Variants in FAM163A observed in about 807,000 individuals in gnomAD.
FAM163A encodes the protein family with sequence similarity 163 member A.
FAM163A carries 7 observed loss-of-function variants against 12.0 expected under a neutral mutation model. That is an observed-to-expected ratio of 0.58 (90% CI 0.33 to 1.10). The LOEUF (loss-of-function observed/expected upper bound fraction) is 1.10, where lower values mean the gene tolerates loss of function less well. Ranked by LOEUF, FAM163A falls within the 50% of genes least tolerant of loss-of-function variation. The pLI, the probability that FAM163A is intolerant of heterozygous loss-of-function variation, is 0.03. For missense variants in FAM163A, 202 were observed against 218.6 expected, an observed-to-expected ratio of 0.92 and a Z score of 0.48; for synonymous variants, 101 against 91.0, an observed-to-expected ratio of 1.11 and a Z score of -0.62.
the FAM163A span, among the ~76,000 whole-genome samples, chr1:179,737,360 G>A: frequency 0.013 from 1,992 of 152,296 alleles, 15 homozygotes; most frequent in Middle Eastern, 0.048. Flanking sequence ...GAGAAAGGAG[G>A]AAATGAAGAG....
rs1695108217 is a variant in FAM163A, at chr1:179,814,296, T to C, written c.*107T>C. ...CCCCACATGGGTTGTTTCTGTTTCTTTGGCTTTTCTCGCTCCGCAGTGGAG... is the reference window on the plus strand; with the variant it reads ...CCCCACATGGGTTGTTTCTGTTTCTCTGGCTTTTCTCGCTCCGCAGTGGAG... On this transcript the variant is annotated 3_prime_UTR_variant, in exon 5 of 5. Coordinates refer to ENST00000341785, the MANE Select transcript of FAM163A (RefSeq NM_173509.3). 1.4e-6 allele frequency: 2 copies of C among 1,420,196 alleles called. No homozygotes were observed. Among genetic ancestry groups the C allele is most frequent in the Non-Finnish European group, 1.9e-6 (2 of 1,061,232 alleles). The allele number at this position is 1,420,196 out of a possible 1,614,324, so 88.0% of individuals were successfully genotyped here.
chr1:179,756,647 C>T (rs1037695650), intron 1 of FAM163A, among the ~76,000 whole-genome samples: 1 of 152,086 alleles, frequency 6.6e-6, no homozygotes, highest in Admixed American at 6.6e-5. Context: ...AAGGTTGAAT[C>T]CAGAGATCTA....
intron 1 of FAM163A, among the ~76,000 whole-genome samples, chr1:179,796,739 A>T (rs926990102): frequency 1.3e-5 from 2 of 152,248 alleles, no homozygotes; most frequent in African/African-American, 2.4e-5. Flanking sequence ...AGCCCACAAG[A>T]TGAGCTGGTG....
At chr1:179,763,325 G>T (rs1557910382) in intron 1 of FAM163A, among the ~76,000 whole-genome samples, 2 of 152,140 alleles carry the variant, frequency 1.3e-5, no homozygotes, top group Non-Finnish European at 2.9e-5. Context: ...TGTATCTGTT[G>T]TTTCTCAAAA....
chr1:179,798,954 G>A (rs1255747036), intron 1 of FAM163A, among the ~76,000 whole-genome samples: 1 of 152,080 alleles, frequency 6.6e-6, no homozygotes, highest in African/African-American at 2.4e-5. Context: ...TGAGGACTCT[G>A]GGCTCCATGG....
At chr1:179,803,887 T>C (rs950984786) in intron 1 of FAM163A, 2 of 150,912 alleles carry the variant, frequency 1.3e-5, no homozygotes, top group African/African-American at 4.9e-5. Flanking sequence ...TTCTGACCAC[T>C]TTATTGGCTC....
In FAM163A at chr1:179,814,476, A is replaced by C; in HGVS notation, c.*287A>C. 2.4e-6 allele frequency: 1 copy of C among 423,030 alleles called. No individual in the cohort carries two copies. The highest frequency in any genetic ancestry group is 4.2e-6 in the Non-Finnish European group (1 of 236,532). The allele number at this position is 423,030 out of a possible 1,614,324, so 26.2% of individuals were successfully genotyped here. A position where few individuals can be genotyped will look rare whatever the true frequency, so the allele number is the denominator to read the frequency against. The stretch of plus-strand genomic sequence containing the variant: ...CCTCTGGCAGCCCCAGCACCACCAC[A>C]ACCCCTTGCAGTGTGCCCCAGTCCC... On this transcript the variant is annotated 3_prime_UTR_variant, in exon 5 of 5. Coordinates refer to ENST00000341785, the MANE Select transcript of FAM163A (RefSeq NM_173509.3).
chr1:179,739,523 G>A (rs1257329265), upstream of FAM163A, among the ~76,000 whole-genome samples: 1 of 106,168 alleles, frequency 9.4e-6, no homozygotes, highest in East Asian at 6.8e-4. Context: ...AACATTATGA[G>A]AATTGTTTTG....
chr1:179,767,570 G>A (rs778876143), intron 1 of FAM163A, among the ~76,000 whole-genome samples: 27 of 152,052 alleles, frequency 1.8e-4, no homozygotes, highest in Non-Finnish European at 3.8e-4. Context: ...CTCAGCCCTT[G>A]ATAAAGGCTT....
chr1:179,762,813 G>T (rs113211962), intron 1 of FAM163A, among the ~76,000 whole-genome samples: 222 of 152,280 alleles, frequency 1.5e-3, no homozygotes, highest in African/African-American at 5.2e-3. Context: ...CACACTGTGG[G>T]GGCCTAGGAG....
intron 1 of FAM163A, among the ~76,000 whole-genome samples, chr1:179,775,619 C>G (rs1688849918): frequency 6.6e-6 from 1 of 152,168 alleles, no homozygotes; most frequent in South Asian, 2.1e-4. Context: ...TTCAGGGGAG[C>G]CTTGCTTGTT....
At chr1:179,755,312 T>C (rs534512365) in intron 1 of FAM163A, among the ~76,000 whole-genome samples, 10 of 152,044 alleles carry the variant, frequency 6.6e-5, no homozygotes, top group African/African-American at 2.2e-4. Flanking sequence ...GTGGTCCAGG[T>C]GAGGGTTGAC....
chr1:179,787,036 G>A (rs1352187818), intron 1 of FAM163A, among the ~76,000 whole-genome samples: 1 of 152,202 alleles, frequency 6.6e-6, no homozygotes, highest in African/African-American at 2.4e-5. Flanking sequence ...AGATGTAGAG[G>A]ATGAATTAAA....
chr1:179,739,363 A>G (rs1223140225), upstream of FAM163A, among the ~76,000 whole-genome samples: 2 of 152,340 alleles, frequency 1.3e-5, no homozygotes, highest in East Asian at 3.9e-4. Context: ...TGTAAAGAGG[A>G]TGAAAAGACT....
At chr1:179,812,027 C>T (rs1694769555) in intron 2 of FAM163A, 83 bp from the exon 3 acceptor site, 1 of 152,606 alleles carries the variant, frequency 6.6e-6, no homozygotes, top group South Asian at 2.1e-4. Context: ...TGAGGGTTGT[C>T]TGGGAATCAT....
At chr1:179,810,368 C>G (rs1694541904) in intron 2 of FAM163A, among the ~76,000 whole-genome samples, 1 of 152,152 alleles carries the variant, frequency 6.6e-6, no homozygotes, top group South Asian at 2.1e-4. Context: ...CACACGCTCC[C>G]CTGTCAAAAG....
the FAM163A span, among the ~76,000 whole-genome samples, chr1:179,731,521 A>T: frequency 4.6e-5 from 7 of 152,256 alleles, no homozygotes; most frequent in Admixed American, 4.6e-4. Flanking sequence ...TCCATAAGGC[A>T]TGAAATATGA....
the FAM163A span, among the ~76,000 whole-genome samples, chr1:179,735,115 G>T: frequency 6.6e-6 from 1 of 152,118 alleles, no homozygotes; most frequent in Admixed American, 6.6e-5. Flanking sequence ...TAAAAAGGCA[G>T]TTTTCACTCA....
chr1:179,775,015 G>C (rs1000361383), intron 1 of FAM163A, among the ~76,000 whole-genome samples: 3 of 152,196 alleles, frequency 2.0e-5, no homozygotes, highest in Admixed American at 6.5e-5. Context: ...ACAAAAGAAC[G>C]AAAGCAACGA....
Sources: gnomAD v4.1 joint callset for allele counts (sites outside exome capture counted in the v4.1 genomes callset) on GRCh38, gnomAD v4.1.1 for gene constraint, MANE v1.5 for transcripts, NCBI Gene and HGNC (gene_info 2026-07-23, HGNC 2026-07-21) for gene names.